SMIM13: variants seen among roughly 807,000 people sequenced by gnomAD.
SMIM13 encodes UPF0766 protein C6orf228.
Under a neutral mutation model 5.9 loss-of-function variants are expected in SMIM13, and 3 were observed. The ratio of observed to expected loss-of-function variants is 0.51; its 90% CI spans 0.23 to 1.31. The LOEUF (loss-of-function observed/expected upper bound fraction) is 1.31, where lower values mean the gene tolerates loss of function less well. Ranked by LOEUF, SMIM13 falls within the 40% of genes most tolerant of loss-of-function variation. SMIM13 has a pLI of 0.18. For missense variants in SMIM13, 85 were observed against 109.9 expected, an observed-to-expected ratio of 0.77 and a Z score of 1.01; for synonymous variants, 55 against 46.0, an observed-to-expected ratio of 1.19 and a Z score of -0.79.
intron 1 of SMIM13, among the ~76,000 whole-genome samples, chr6:11,130,670 A>G (rs897918139): frequency 2.0e-5 from 3 of 152,138 alleles, no homozygotes; most frequent in Non-Finnish European, 4.4e-5. Flanking sequence ...TACCAAAAAT[A>G]TTTTTTTGAT....
chr6:11,097,892 C>T (rs755928423), intron 1 of SMIM13, among the ~76,000 whole-genome samples: 1 of 151,328 alleles, frequency 6.6e-6, no homozygotes, highest in South Asian at 2.1e-4. Flanking sequence ...GTGAACCTTT[C>T]TTTTTTTTTA....
chr6:11,103,664 T>C (rs899576329), intron 1 of SMIM13: 3 of 1,515,944 alleles, frequency 2.0e-6, no homozygotes, highest in Middle Eastern at 1.7e-4. Context: ...CTCTGTCGTG[T>C]TCCACTAGCG....
chr6:11,134,504 T>A lies in SMIM13; in HGVS notation c.178T>A (p.Ser60Thr). Residue 60 changes from serine to threonine, a missense_variant, in exon 2 of 2, where the codon TCT becomes ACT. Physicochemically the swap from Ser to Thr is moderately conservative, Grantham distance 58. Transcript: ENST00000416247. ...SQEGDHEPSG[S>T]ETEEDTSSSP... ...AGAGGGAGATCATGAGCCTTCAGGG[T>A]CTGAAACTGAAGAAGACACTTCCTC... 1 of 1,551,112 alleles carries A rather than the reference T, an allele frequency of 6.4e-7. No homozygotes were observed. Among genetic ancestry groups the A allele is most frequent in the Middle Eastern group, 1.7e-4 (1 of 5,968 alleles).
At chr6:11,128,974 T>TA (rs1376347277) in intron 1 of SMIM13, among the ~76,000 whole-genome samples, 2 of 152,044 alleles carry the variant, frequency 1.3e-5, no homozygotes, top group African/African-American at 4.8e-5. Context: ...CTTTTATTAA[T>TA]ATGATGTTAA....
rs1757891205 is a variant in SMIM13, at chr6:11,094,236, A to AGCGCAGGAC, written c.-73_-65dup. On this transcript the variant is annotated 5_prime_UTR_variant, in exon 1 of 2. Coordinates refer to ENST00000416247, the MANE Select transcript of SMIM13 (RefSeq NM_001135575.2). Reference sequence around the variant, plus strand: ...AGCCGCGCCTGGCGCCCGCCGCTGAAGCGCAGGACGCGCCGCCGCCCGCGC... The same window carrying AGCGCAGGAC: ...AGCCGCGCCTGGCGCCCGCCGCTGAAGCGCAGGACGCGCAGGACGCGCCGCCGCCCGCGC... 11 of 783,704 alleles carry AGCGCAGGAC rather than the reference A, an allele frequency of 1.4e-5. No homozygotes were observed. Among genetic ancestry groups the AGCGCAGGAC allele is most frequent in the Non-Finnish European group, 1.6e-5 (10 of 621,236 alleles). 48.5% of individuals were successfully genotyped at this position (783,704 alleles called of 1,614,324 possible). A position where few individuals can be genotyped will look rare whatever the true frequency, so the allele number is the denominator to read the frequency against.
At chr6:11,133,714 C>T (rs377233375) in intron 1 of SMIM13, among the ~76,000 whole-genome samples, 3 of 150,486 alleles carry the variant, frequency 2.0e-5, no homozygotes, top group African/African-American at 7.3e-5. Context: ...AAAACCTTTA[C>T]TACTCCTTGC....
intron 1 of SMIM13, among the ~76,000 whole-genome samples, chr6:11,115,239 G>A (rs1758221917): frequency 6.6e-6 from 1 of 152,150 alleles, no homozygotes. Flanking sequence ...CATAAATTTA[G>A]CAGCTTAAGA....
chr6:11,104,825 G>A lies in SMIM13; in HGVS notation c.76+10436G>A. On this transcript the variant is annotated intron_variant, in intron 1 of 1. Transcript: ENST00000416247. ...TTGGTTGATGGCGGAATTGGTTGTG[G>A]GTGTATGTTTGGTAAGTCTGTTGGT... The A allele has an allele frequency of 1.9e-6, 3 of 1,614,158 alleles. No homozygotes were observed. The East Asian group carries it at 6.7e-5, about 36-fold the overall frequency.
chr6:11,130,270 C>A (rs71533603), intron 1 of SMIM13, among the ~76,000 whole-genome samples: 45,700 of 131,036 alleles, frequency 0.35, 7,977 homozygotes, highest in Middle Eastern at 0.54. Flanking sequence ...AAAAAAAAAA[C>A]AACAACAACA....
chr6:11,102,090 T>G (rs1230849764), intron 1 of SMIM13, among the ~76,000 whole-genome samples: 1 of 152,188 alleles, frequency 6.6e-6, no homozygotes, highest in African/African-American at 2.4e-5. Flanking sequence ...AAATCTTATT[T>G]TTAGGAACCA....
At chr6:11,105,093 T>C (rs768773214) in intron 1 of SMIM13, 17 of 1,614,206 alleles carry the variant, frequency 1.1e-5, no homozygotes, top group South Asian at 2.2e-5. Context: ...ATAGGAAATA[T>C]GTAATTCCGC....
At chr6:11,130,057 T>C (rs530431719) in intron 1 of SMIM13, among the ~76,000 whole-genome samples, 57 of 152,274 alleles carry the variant, frequency 3.7e-4, no homozygotes, top group African/African-American at 1.2e-3. Flanking sequence ...CTAAGTATTA[T>C]GATATGGAAA....
chr6:11,095,338 A>G (rs1197348687), intron 1 of SMIM13, among the ~76,000 whole-genome samples: 1 of 152,134 alleles, frequency 6.6e-6, no homozygotes. Flanking sequence ...TTATAAACTT[A>G]TATGTTTATT....
chr6:11,117,259 G>A (rs1758253788), intron 1 of SMIM13, among the ~76,000 whole-genome samples: 1 of 147,952 alleles, frequency 6.8e-6, no homozygotes, highest in South Asian at 2.1e-4. Flanking sequence ...TGCCTCCCGG[G>A]TTCACGCCAT....
intron 1 of SMIM13, among the ~76,000 whole-genome samples, chr6:11,133,869 A>G (rs1335230450): frequency 3.3e-5 from 5 of 151,962 alleles, no homozygotes; most frequent in African/African-American, 1.2e-4. Flanking sequence ...TTAGTCTTTC[A>G]TCATATAATT....
chr6:11,131,948 G>A (rs1473051025), intron 1 of SMIM13, among the ~76,000 whole-genome samples: 3 of 152,060 alleles, frequency 2.0e-5, no homozygotes, highest in African/African-American at 7.2e-5. Context: ...AAAAACTTAG[G>A]TGCTTCAAAG....
chr6:11,104,346 A>G, intron 1 of SMIM13: 2 of 1,551,768 alleles, frequency 1.3e-6, no homozygotes, highest in South Asian at 1.2e-5. Context: ...GTCTGGGGTT[A>G]CATAGCCTAT....
At chr6:11,104,282 G>T (rs1437610423) in intron 1 of SMIM13, 1 of 1,551,718 alleles carries the variant, frequency 6.4e-7, no homozygotes, top group Non-Finnish European at 8.7e-7. Flanking sequence ...TGGGCAACGG[G>T]GAATTCCCAT....
chr6:11,101,561 G>C (rs1282066507), intron 1 of SMIM13, among the ~76,000 whole-genome samples: 1 of 152,120 alleles, frequency 6.6e-6, no homozygotes, highest in Non-Finnish European at 1.5e-5. Flanking sequence ...TAGGGTTTAA[G>C]GGTTTTGGAG....
Sources: allele counts gnomAD v4.1 joint callset (sites outside exome capture counted in the v4.1 genomes callset), GRCh38; gene constraint gnomAD v4.1.1; transcripts MANE v1.5; gene names NCBI Gene and HGNC (gene_info 2026-07-23, HGNC 2026-07-21).